GABARAPL2: variants seen among roughly 807,000 people sequenced by gnomAD.
GABARAPL2 encodes GABA type A receptor associated protein like 2.
A neutral mutation model predicts 16.9 loss-of-function variants in GABARAPL2; 11 were observed. The ratio of observed to expected loss-of-function variants is 0.65; its 90% CI spans 0.41 to 1.08. GABARAPL2 has a LOEUF of 1.08. Among genes scored for constraint, GABARAPL2 ranks in the 50% least tolerant of loss-of-function variants. The probability of loss-of-function intolerance (pLI) is 0.00; values close to 1 mark genes in which losing one functional copy is unlikely to be tolerated. For synonymous variants in GABARAPL2, 57 were observed against 50.7 expected (o/e 1.12, Z -0.53); for missense variants, 134 against 142.5 (o/e 0.94, Z 0.30).
chr16:75,571,905 T>G (rs2080917006), intron 3 of GABARAPL2, among the ~76,000 whole-genome samples: 1 of 152,074 alleles, frequency 6.6e-6, no homozygotes, highest in African/African-American at 2.4e-5. Flanking sequence ...TCTTAACTCC[T>G]GACCTCAGGT....
intron 3 of GABARAPL2, 167 bp downstream of exon 3, chr16:75,568,376 T>C: frequency 2.0e-6 from 1 of 491,154 alleles, no homozygotes; most frequent in Non-Finnish European, 3.7e-6. Context: ...CTGCAATACA[T>C]AAGAGTGCAT....
intron 3 of GABARAPL2, among the ~76,000 whole-genome samples, chr16:75,574,044 C>T (rs1258174375): frequency 6.6e-6 from 1 of 152,176 alleles, no homozygotes; most frequent in Non-Finnish European, 1.5e-5. Context: ...TTAATGAACC[C>T]AAGTTTTACT....
intron 3 of GABARAPL2, among the ~76,000 whole-genome samples, chr16:75,573,930 G>A (rs934944634): frequency 6.6e-6 from 1 of 152,208 alleles, no homozygotes; most frequent in Non-Finnish European, 1.5e-5. Flanking sequence ...AGGATAAAGA[G>A]TTAATACATG....
At chr16:75,576,160 AT>A (rs1438131654) in intron 3 of GABARAPL2, 5 of 152,204 alleles carry the variant, frequency 3.3e-5, no homozygotes, top group African/African-American at 1.2e-4. Flanking sequence ...GTTCTTTCAT[AT>A]TCAAATTCAG....
chr16:75,567,947 T>A (rs1031922558), intron 2 of GABARAPL2, 90 bp from the exon 3 acceptor site: 3 of 944,116 alleles, frequency 3.2e-6, no homozygotes, highest in Admixed American at 4.3e-5. Flanking sequence ...CCCACCTCCT[T>A]GCCCACACTC....
intron 3 of GABARAPL2, chr16:75,572,169 A>G (rs2080919166): frequency 6.6e-6 from 1 of 152,138 alleles, no homozygotes; most frequent in Non-Finnish European, 1.5e-5. Flanking sequence ...TCAAAACAAA[A>G]AAAGGAACAA....
rs1372486238 is a variant in GABARAPL2, at chr16:75,577,586, G to A, written c.*217G>A. 15 of 448,112 alleles carry A rather than the reference G, an allele frequency of 3.3e-5. No homozygotes were observed. Among genetic ancestry groups the A allele is most frequent in the Non-Finnish European group, 5.2e-5 (13 of 250,462 alleles). The allele number at this position is 448,112 out of a possible 1,614,324, so 27.8% of individuals were successfully genotyped here. Reference sequence around the variant, plus strand: ...TTTTCTTTTTGTGCATTGTCCTCATGCCTGTATTCTCCAGGAAACTTGTCC... The same window carrying A: ...TTTTCTTTTTGTGCATTGTCCTCATACCTGTATTCTCCAGGAAACTTGTCC... On this transcript the variant is annotated 3_prime_UTR_variant, in exon 4 of 4. Transcript: ENST00000037243.
At chr16:75,572,415 G>C (rs368783268) in intron 3 of GABARAPL2, 4 of 152,316 alleles carry the variant, frequency 2.6e-5, no homozygotes, top group Non-Finnish European at 5.9e-5. Context: ...TTCATGAGTC[G>C]GTGTAGACCC....
intron 3 of GABARAPL2, among the ~76,000 whole-genome samples, chr16:75,573,260 C>T (rs542543439): frequency 2.2e-4 from 34 of 152,338 alleles, no homozygotes; most frequent in African/African-American, 6.7e-4. Context: ...TGGGACTTTA[C>T]AAAAATGAGT....
In GABARAPL2 at chr16:75,566,799, G is replaced by T. The variant is rs373260428; in HGVS notation, c.35-53G>T. 6 of 1,542,960 alleles carry T rather than the reference G, an allele frequency of 3.9e-6. No homozygotes were observed. The Admixed American group carries it at 5.0e-5, about 13-fold the overall frequency. ...GCAGGAGGAGGAGGGCCGGGGGCCG[G>T]GAACCGACCGGTGGGCAGGCGCGGC... On this transcript the variant is annotated intron_variant, in intron 1 of 3. Transcript: ENST00000037243.
intron 3 of GABARAPL2, among the ~76,000 whole-genome samples, chr16:75,570,833 C>T (rs2080910121): frequency 1.3e-5 from 2 of 152,180 alleles, no homozygotes; most frequent in Non-Finnish European, 2.9e-5. Flanking sequence ...AAGTTGAATT[C>T]TCTGCCTAGG....
chr16:75,575,377 C>A (rs1438356420), intron 3 of GABARAPL2, among the ~76,000 whole-genome samples: 1 of 151,802 alleles, frequency 6.6e-6, no homozygotes, highest in African/African-American at 2.4e-5. Context: ...CTCACTGCAA[C>A]CTCCACCTCC....
chr16:75,572,527 TTGG>T (rs1246265960), intron 3 of GABARAPL2: 2 of 152,254 alleles, frequency 1.3e-5, no homozygotes, highest in African/African-American at 4.8e-5. Context: ...CATAGCGCTG[TTGG>T]TAGCATAAAC....
chr16:75,569,389 GTGT>G (rs2080902179), intron 3 of GABARAPL2, among the ~76,000 whole-genome samples: 2 of 152,244 alleles, frequency 1.3e-5, no homozygotes, highest in African/African-American at 4.8e-5. Flanking sequence ...GGAAGCTGTG[GTGT>G]TGCTTGAGGA....
intron 3 of GABARAPL2, among the ~76,000 whole-genome samples, chr16:75,570,474 A>C (rs2080908370): frequency 6.6e-6 from 1 of 152,132 alleles, no homozygotes; most frequent in Admixed American, 6.6e-5. Context: ...AGCCTCCCTT[A>C]ACCTTCATGC....
intron 2 of GABARAPL2, 45 bp from the exon 3 acceptor site, chr16:75,567,992 C>G: frequency 6.7e-7 from 1 of 1,501,062 alleles, no homozygotes; most frequent in Non-Finnish European, 9.2e-7. Context: ...GAGGCCAGAG[C>G]CTCGCTTTAG....
chr16:75,570,592 TTA>T (rs2080908813), intron 3 of GABARAPL2, among the ~76,000 whole-genome samples: 1 of 152,176 alleles, frequency 6.6e-6, no homozygotes, highest in Non-Finnish European at 1.5e-5. Flanking sequence ...TGAAGATCAA[TTA>T]TGTCTGAGGC....
chr16:75,570,635 C>T (rs1014409865), intron 3 of GABARAPL2, among the ~76,000 whole-genome samples: 1 of 152,108 alleles, frequency 6.6e-6, no homozygotes, highest in Admixed American at 6.5e-5. Context: ...GTTATTTCTG[C>T]CTTGGAGTGG....
Position 75,566,382 on chromosome 16 carries a change from C to T in GABARAPL2, c.-105C>T, listed in dbSNP as rs955384159. 1.6e-5 allele frequency: 13 copies of T among 827,452 alleles called. 1 individual carries two copies. The South Asian group carries it at 1.8e-4, about 11-fold the overall frequency. 51.3% of individuals were successfully genotyped at this position (827,452 alleles called of 1,614,324 possible). ...CCGGAAGTCCCGCCTGCCGTGTAGT[C>T]GCCGCCGTCGCTGCCGCTGCCGCTG... On this transcript the variant is annotated 5_prime_UTR_variant, in exon 1 of 4. Transcript: ENST00000037243.
Sources: allele counts gnomAD v4.1 joint callset (sites outside exome capture counted in the v4.1 genomes callset), GRCh38; gene constraint gnomAD v4.1.1; transcripts MANE v1.5; gene names NCBI Gene and HGNC (gene_info 2026-07-23, HGNC 2026-07-21).